The following NBPF15 variants were observed in gnomAD, a reference collection of about 807,000 sequenced individuals.
The protein encoded by NBPF15 is NBPF member 15.
NBPF15 carries 74 observed loss-of-function variants against 62.2 expected under a neutral mutation model. The ratio of observed to expected loss-of-function variants is 1.19; its 90% CI spans 0.99 to 1.44. NBPF15 has a LOEUF of 1.44. NBPF15 is among the 40% of genes most tolerant of loss of function. The pLI is 0.00. For missense variants in NBPF15, 790 were observed against 550.0 expected (o/e 1.44, Z -4.36); for synonymous variants, 244 against 209.7 (o/e 1.16, Z -1.41).
intron 20 of NBPF15, among the ~76,000 whole-genome samples, chr1:144,424,206 A>T (rs377668923): frequency 9.9e-5 from 15 of 152,124 alleles, no homozygotes; most frequent in East Asian, 3.9e-4. Flanking sequence ...TATCCCAATA[A>T]CATTTGTCCC....
chr1:144,427,267 T>C (rs1670430262), intron 16 of NBPF15, among the ~76,000 whole-genome samples, 169 bp from the exon 17 acceptor site: 2 of 146,092 alleles, frequency 1.4e-5, no homozygotes, highest in African/African-American at 2.6e-5. Context: ...AGAGATTCCT[T>C]GGTTTTTGTC....
In NBPF15 at chr1:144,427,848, G is replaced by T. The variant is rs1390778748; in HGVS notation, c.1183C>A (p.Gln395Lys). 2 of 731,288 alleles carry T rather than the reference G, an allele frequency of 2.7e-6. No individual in the cohort carries two copies. The highest frequency in any genetic ancestry group is 2.5e-6 in the Non-Finnish European group (1 of 400,200). 45.3% of individuals were successfully genotyped at this position (731,288 alleles called of 1,614,324 possible). Reference protein sequence around the residue: ...YRSAFYVLEQQRVGLAIDMDE... With the variant: ...YRSAFYVLEQKRVGLAIDMDE... The stretch of plus-strand genomic sequence containing the variant: ...ATGTCAATAGCCAAGCCAACACGCT[G>T]TTGCTCCAATACGTAAAAGGCACTT... The change falls in exon 16 of 22, where the codon CAG (glutamine) becomes AAG (lysine). Residue 395 changes from glutamine to lysine, a missense_variant. Transcript: ENST00000581897.
chr1:144,440,063 T>C lies in NBPF15; in HGVS notation c.-35-25A>G, dbSNP rs1553542327. Reference sequence around the variant, plus strand: ...ACTGGGGAGAAGAAACCCAAACATATGATGGGTTAAAAACTGGTGAAATCA... The same window carrying C: ...ACTGGGGAGAAGAAACCCAAACATACGATGGGTTAAAAACTGGTGAAATCA... On this transcript the variant is annotated intron_variant, in intron 7 of 21. Coordinates refer to ENST00000581897, the MANE Select transcript of NBPF15 (RefSeq NM_001385408.1). 36 of 1,561,038 alleles carry C rather than the reference T, an allele frequency of 2.3e-5. 2 individuals carry two copies. In the African/African-American group the frequency reaches 2.6e-4, roughly 11 times the overall value.
At position 144,432,117 on chromosome 1, in the gene NBPF15, A is replaced by T. The variant is rs369055459; in HGVS notation, c.824+1656T>A. On this transcript the variant is annotated intron_variant, in intron 13 of 21. Transcript: ENST00000581897. ...AGTTTACAGTCCCACCAACAGTGTA[A>T]AAGTGTTCCTATTTCTCCACATCCT... 6.0e-3 allele frequency among the ~76,000 whole-genome samples: 908 copies of T among 152,204 alleles called. 13 individuals carry two copies. The highest frequency in any genetic ancestry group is 0.026 in the South Asian group (125 of 4,814).
chr1:144,439,873 A>G lies in NBPF15; in HGVS notation c.131T>C (p.Leu44Pro). The change falls in exon 8 of 22, where the codon CTA becomes CCA. Residue 44 changes from leucine (L) to proline (P), a missense_variant. Coordinates refer to ENST00000581897, the MANE Select transcript of NBPF15 (RefSeq NM_001385408.1). ...QFRNLKEKCF[L>P]TQLAGFLANR... ...GGCCAGGAAGCCGGCCAGTTGAGTT[A>G]GAAAACATTTCTCTTTGAGGTTTCT... is the stretch of plus-strand genomic sequence containing the variant. The G allele has an allele frequency of 1.2e-6, 2 of 1,610,722 alleles. No individual in the cohort carries two copies. Among genetic ancestry groups the G allele is most frequent in the Non-Finnish European group, 1.7e-6 (2 of 1,178,874 alleles).
At chr1:144,440,647 C>CT (rs1163752160) in intron 6 of NBPF15, 4,742 of 135,808 alleles carry the variant, frequency 0.035, 155 homozygotes, top group Non-Finnish European at 0.05. Flanking sequence ...CTTGTTTTGA[C>CT]TTTTTTTTTT....
intron 10 of NBPF15, among the ~76,000 whole-genome samples, chr1:144,436,200 G>A (rs1678186907): frequency 6.6e-6 from 1 of 152,058 alleles, no homozygotes; most frequent in Non-Finnish European, 1.5e-5. Flanking sequence ...GTCACAGTTT[G>A]CATTTCAAAC....
chr1:144,426,892 C>A (rs1439132991), intron 17 of NBPF15, among the ~76,000 whole-genome samples, 155 bp downstream of exon 17: 1 of 147,512 alleles, frequency 6.8e-6, no homozygotes, highest in South Asian at 2.2e-4. Flanking sequence ...AAATGGAAAC[C>A]TAAACATCTA....
At chr1:144,438,673 G>A (rs368039297) in intron 8 of NBPF15, among the ~76,000 whole-genome samples, 3 of 151,976 alleles carry the variant, frequency 2.0e-5, no homozygotes, top group Non-Finnish European at 4.4e-5. Flanking sequence ...AGTGTTTACT[G>A]TGTGCCAATA....
At chr1:144,448,017 T>C (rs1180637866) in intron 6 of NBPF15, among the ~76,000 whole-genome samples, 10 of 152,056 alleles carry the variant, frequency 6.6e-5, no homozygotes, top group African/African-American at 1.9e-4. Flanking sequence ...CCACAAGCCT[T>C]AGCCATGCTT....
At chr1:144,452,026 C>T (rs1219009646) in intron 4 of NBPF15, among the ~76,000 whole-genome samples, 1 of 151,336 alleles carries the variant, frequency 6.6e-6, no homozygotes, top group African/African-American at 2.4e-5. Flanking sequence ...GTAGCAGGCG[C>T]CTGTAATCCC....
chr1:144,459,001 C>T (rs1230571797), intron 3 of NBPF15, among the ~76,000 whole-genome samples: 43 of 150,088 alleles, frequency 2.9e-4, no homozygotes, highest in South Asian at 6.4e-4. Context: ...GATCCTGCCA[C>T]GGCACTCTAG....
At chr1:144,447,143 G>A (rs1427802093) in intron 6 of NBPF15, among the ~76,000 whole-genome samples, 1 of 152,294 alleles carries the variant, frequency 6.6e-6, no homozygotes, top group African/African-American at 2.4e-5. Context: ...GAACCCTGTT[G>A]TTCTGACAGC....
chr1:144,436,351 A>T (rs1371289631), intron 10 of NBPF15, among the ~76,000 whole-genome samples: 2 of 151,970 alleles, frequency 1.3e-5, no homozygotes, highest in Admixed American at 1.3e-4. Flanking sequence ...AGCACTTCCT[A>T]CCACAAAACG....
Position 144,440,862 on chromosome 1 carries a change from G to T in NBPF15, c.-190-567C>A, listed in dbSNP as rs1219801272. Reference sequence around the variant, plus strand: ...TTTTTTGTATTTTTAGTAGAGACGGGGTTTCACTGTGTTAGCCAGGATGGT... The same window carrying T: ...TTTTTTGTATTTTTAGTAGAGACGGTGTTTCACTGTGTTAGCCAGGATGGT... On this transcript the variant is annotated intron_variant, in intron 6 of 21. Transcript: ENST00000581897. Among the ~76,000 whole-genome samples, 2 of 151,328 alleles carry T rather than the reference G, an allele frequency of 1.3e-5. 1 individual carries two copies. The highest frequency in any genetic ancestry group is 3.0e-5 in the Non-Finnish European group (2 of 67,790).
In NBPF15 at chr1:144,423,312, C is replaced by A. The variant is rs1468924763; in HGVS notation, c.1770-56G>T. ...CCAGGGAAAATCAGACACCACAGAGCCCCACTAGATTTCAGAAGTAATATA... is the reference window on the plus strand; with the variant it reads ...CCAGGGAAAATCAGACACCACAGAGACCCACTAGATTTCAGAAGTAATATA... On this transcript the variant is annotated intron_variant, in intron 21 of 21. Coordinates refer to ENST00000581897, the MANE Select transcript of NBPF15 (RefSeq NM_001385408.1). 19 of 1,611,052 alleles carry A rather than the reference C, an allele frequency of 1.2e-5. No individual in the cohort carries two copies. In the South Asian group the frequency reaches 2.1e-4, roughly 18 times the overall value.
chr1:144,426,729 G>A (rs1389187913), intron 17 of NBPF15, among the ~76,000 whole-genome samples: 2 of 151,866 alleles, frequency 1.3e-5, no homozygotes, highest in East Asian at 3.9e-4. Flanking sequence ...GACACTCTGA[G>A]TTAGTGCGCT....
chr1:144,440,565 C>T (rs1343801511), intron 6 of NBPF15: 44 of 254,494 alleles, frequency 1.7e-4, no homozygotes, highest in African/African-American at 8.1e-4. Flanking sequence ...AAACAGTTTC[C>T]CAACAGGTTA....
At chr1:144,436,277 C>T (rs1451857291) in intron 10 of NBPF15, among the ~76,000 whole-genome samples, 2 of 151,990 alleles carry the variant, frequency 1.3e-5, no homozygotes, top group African/African-American at 2.4e-5. Context: ...AGATTTCAAG[C>T]CTCCAAGTGG....
Sources: gnomAD v4.1 joint callset for allele counts (sites outside exome capture counted in the v4.1 genomes callset) on GRCh38, gnomAD v4.1.1 for gene constraint, MANE v1.5 for transcripts, NCBI Gene and HGNC (gene_info 2026-07-23, HGNC 2026-07-21) for gene names.